RAB11FIP4: variants seen among roughly 807,000 people sequenced by gnomAD.
RAB11FIP4 encodes RAB11 family interacting protein 4.
RAB11FIP4 carries 23 observed loss-of-function variants against 74.3 expected under a neutral mutation model. The ratio of observed to expected loss-of-function variants is 0.31; its 90% CI spans 0.22 to 0.44. RAB11FIP4 has a LOEUF of 0.44. Ranked by LOEUF, RAB11FIP4 falls within the 20% of genes least tolerant of loss-of-function variation. The pLI is 1.00. For missense variants in RAB11FIP4, 630 were observed against 863.9 expected, an observed-to-expected ratio of 0.73 and a Z score of 3.39; for synonymous variants, 360 against 359.9, an observed-to-expected ratio of 1.00 and a Z score of 0.00.
At chr17:31,440,832 C>G (rs2071400950) in intron 3 of RAB11FIP4, among the ~76,000 whole-genome samples, 1 of 152,166 alleles carries the variant, frequency 6.6e-6, no homozygotes, top group African/African-American at 2.4e-5. Context: ...ATTTTCTTTT[C>G]TGGAACAGCC....
At chr17:31,520,969 G>A (rs2072653442) in intron 4 of RAB11FIP4, 197 bp from the exon 5 acceptor site, 5 of 400,660 alleles carry the variant, frequency 1.2e-5, no homozygotes, top group Non-Finnish European at 1.8e-5. Context: ...GGTAGAATTG[G>A]TTTGAACTGT....
At chr17:31,490,674 C>A (rs886584433) in intron 3 of RAB11FIP4, among the ~76,000 whole-genome samples, 3 of 152,144 alleles carry the variant, frequency 2.0e-5, no homozygotes, top group Non-Finnish European at 4.4e-5. Context: ...CTTCCCACCT[C>A]AGTCTCAGCT....
At chr17:31,481,088 A>T (rs1430755981) in intron 3 of RAB11FIP4, among the ~76,000 whole-genome samples, 1 of 152,154 alleles carries the variant, frequency 6.6e-6, no homozygotes, top group Admixed American at 6.5e-5. Context: ...GAATGAATGA[A>T]AGAATGAAGG....
intron 3 of RAB11FIP4, among the ~76,000 whole-genome samples, chr17:31,445,987 A>G (rs1426501450): frequency 2.6e-5 from 4 of 151,776 alleles, no homozygotes; most frequent in Non-Finnish European, 5.9e-5. Flanking sequence ...CCTTTAATCT[A>G]GAAGAGTTCC....
At chr17:31,410,465 G>A (rs555810412) in intron 1 of RAB11FIP4, among the ~76,000 whole-genome samples, 2 of 152,324 alleles carry the variant, frequency 1.3e-5, no homozygotes, top group African/African-American at 4.8e-5. Flanking sequence ...TGTAATCCCA[G>A]CACTTTGGGA....
At chr17:31,487,394 C>T (rs2071916039) in intron 3 of RAB11FIP4, among the ~76,000 whole-genome samples, 1 of 152,160 alleles carries the variant, frequency 6.6e-6, no homozygotes, top group East Asian at 1.9e-4. Context: ...AGCCACTGTG[C>T]CCGGCCTGAG....
intron 4 of RAB11FIP4, 133 bp downstream of exon 4, chr17:31,518,010 C>A: frequency 1.5e-6 from 1 of 680,938 alleles, no homozygotes; most frequent in Non-Finnish European, 2.5e-6. Context: ...CATGGGTATT[C>A]TGAATAGCAC....
At chr17:31,395,527 A>G (rs1307193818) in intron 1 of RAB11FIP4, among the ~76,000 whole-genome samples, 2 of 152,188 alleles carry the variant, frequency 1.3e-5, no homozygotes, top group Non-Finnish European at 2.9e-5. Flanking sequence ...TGAGAATAGA[A>G]CTTTTCCTCT....
rs78856836 is a variant in RAB11FIP4, at chr17:31,481,330, G to A, written c.337-36321G>A. Among the ~76,000 whole-genome samples, 82 of 152,134 alleles carry A rather than the reference G, an allele frequency of 5.4e-4. No individual in the cohort carries two copies. The East Asian group carries it at 0.014, about 26-fold the overall frequency. On this transcript the variant is annotated intron_variant, in intron 3 of 14. Coordinates refer to ENST00000621161, the MANE Select transcript of RAB11FIP4 (RefSeq NM_032932.6). ...TTTTTAGGTTCAAGTGATTCCAAGC[G>A]TTTTTTAAGTTCTTCAAGTGATCCT...
chr17:31,398,630 C>T (rs888169268), intron 1 of RAB11FIP4, among the ~76,000 whole-genome samples: 2 of 152,248 alleles, frequency 1.3e-5, no homozygotes, highest in African/African-American at 2.4e-5. Context: ...TATGGGCGTC[C>T]AGCCCATGAA....
intron 3 of RAB11FIP4, among the ~76,000 whole-genome samples, chr17:31,438,337 G>A (rs1049349044): frequency 6.6e-6 from 1 of 152,058 alleles, no homozygotes. Flanking sequence ...AAGGCCCTGG[G>A]CCCTGTTCAT....
intron 3 of RAB11FIP4, among the ~76,000 whole-genome samples, chr17:31,458,668 G>A (rs1261480245): frequency 2.0e-5 from 3 of 152,168 alleles, no homozygotes; most frequent in African/African-American, 7.2e-5. Flanking sequence ...ATGCTCATGT[G>A]CACCTCTGGG....
intron 3 of RAB11FIP4, among the ~76,000 whole-genome samples, chr17:31,442,550 A>G (rs1208736065): frequency 6.6e-6 from 1 of 152,224 alleles, no homozygotes; most frequent in Non-Finnish European, 1.5e-5. Context: ...CAGAGCTGAA[A>G]AGCTGCCACA....
chr17:31,413,599 C>T (rs920535024), intron 1 of RAB11FIP4, among the ~76,000 whole-genome samples: 2 of 151,996 alleles, frequency 1.3e-5, no homozygotes, highest in Non-Finnish European at 2.9e-5. Flanking sequence ...ACACCAACGC[C>T]CCGCTTCTTG....
chr17:31,485,399 A>G (rs2071891328), intron 3 of RAB11FIP4, among the ~76,000 whole-genome samples: 1 of 152,220 alleles, frequency 6.6e-6, no homozygotes, highest in African/African-American at 2.4e-5. Flanking sequence ...TGGTGGGGAC[A>G]GGGAGGGGGC....
intron 3 of RAB11FIP4, among the ~76,000 whole-genome samples, chr17:31,499,159 G>A (rs76904438): frequency 6.6e-5 from 10 of 152,240 alleles, no homozygotes; most frequent in East Asian, 1.9e-4. Flanking sequence ...TGGAGCTTCC[G>A]GTAGGCATTT....
intron 3 of RAB11FIP4, among the ~76,000 whole-genome samples, chr17:31,500,793 G>C (rs954415494): frequency 1.3e-5 from 2 of 152,332 alleles, no homozygotes; most frequent in Admixed American, 1.3e-4. Flanking sequence ...GGGAGGCTGA[G>C]GCGGGCAGAT....
chr17:31,421,989 G>A (rs930117687), intron 1 of RAB11FIP4, among the ~76,000 whole-genome samples: 1 of 152,062 alleles, frequency 6.6e-6, no homozygotes, highest in African/African-American at 2.4e-5. Context: ...AGACCAGCCT[G>A]GGCAACATAG....
intron 3 of RAB11FIP4, among the ~76,000 whole-genome samples, chr17:31,511,442 T>G (rs2072450827): frequency 6.6e-6 from 1 of 152,220 alleles, no homozygotes; most frequent in African/African-American, 2.4e-5. Flanking sequence ...CACCCAGGTC[T>G]CAGGGTCCTG....
Sources: gnomAD v4.1 joint callset for allele counts (sites outside exome capture counted in the v4.1 genomes callset) on GRCh38, gnomAD v4.1.1 for gene constraint, MANE v1.5 for transcripts, NCBI Gene and HGNC (gene_info 2026-07-23, HGNC 2026-07-21) for gene names.